CCDC192: variants seen among roughly 807,000 people sequenced by gnomAD.
CCDC192 encodes the protein coiled-coil domain containing 192.
At chr5:127,861,662 AT>A (rs1011820793) in intron 5 of CCDC192, among the ~76,000 whole-genome samples, 12 of 151,812 alleles carry the variant, frequency 7.9e-5, no homozygotes, top group Non-Finnish European at 1.6e-4. Context: ...TCAAAAAAAA[AT>A]TTTTTTTTAT....
At chr5:127,838,620 T>G (rs1418400856) in intron 5 of CCDC192, 1 of 152,202 alleles carries the variant, frequency 6.6e-6, no homozygotes, top group Non-Finnish European at 1.5e-5. Context: ...CACTGAAACC[T>G]TTTTTAAAGA....
intron 3 of CCDC192, among the ~76,000 whole-genome samples, chr5:127,792,291 CCTT>C (rs1160929280): frequency 6.6e-6 from 1 of 152,024 alleles, no homozygotes; most frequent in Non-Finnish European, 1.5e-5. Flanking sequence ...GCAAACATGT[CCTT>C]CTTCATATGG....
At chr5:127,858,174 G>A (rs944431562) in intron 5 of CCDC192, among the ~76,000 whole-genome samples, 1 of 152,096 alleles carries the variant, frequency 6.6e-6, no homozygotes, top group African/African-American at 2.4e-5. Flanking sequence ...TTATAAATCC[G>A]ATCCTATTGA....
intron 5 of CCDC192, among the ~76,000 whole-genome samples, chr5:127,862,116 T>G (rs533055847): frequency 3.3e-5 from 5 of 152,172 alleles, no homozygotes; most frequent in Non-Finnish European, 5.9e-5. Context: ...TTTCTTCATA[T>G]CTACGCTAAG....
At chr5:127,908,289 T>A (rs979966693) in intron 6 of CCDC192, among the ~76,000 whole-genome samples, 4 of 152,196 alleles carry the variant, frequency 2.6e-5, no homozygotes, top group Admixed American at 6.5e-5. Flanking sequence ...TCATATAATT[T>A]AACAGCTCTT....
At chr5:127,743,716 G>A (rs1753567467) in intron 2 of CCDC192, among the ~76,000 whole-genome samples, 1 of 152,150 alleles carries the variant, frequency 6.6e-6, no homozygotes, top group African/African-American at 2.4e-5. Flanking sequence ...GAGGAATACT[G>A]TTTTCACTGG....
At chr5:127,865,193 TG>T (rs1751556260) in intron 5 of CCDC192, among the ~76,000 whole-genome samples, 1 of 152,128 alleles carries the variant, frequency 6.6e-6, no homozygotes, top group South Asian at 2.1e-4. Flanking sequence ...TAAATATTCT[TG>T]TCTCTCCACC....
In CCDC192 at chr5:127,931,719, G is replaced by A. The variant is rs559497290; in HGVS notation, c.536-9463G>A. On this transcript the variant is annotated intron_variant, in intron 6 of 6. Coordinates refer to ENST00000514853, the MANE Select transcript of CCDC192 (RefSeq NM_001317938.2). ...GTCACTCAAGCAGAATTTCAAGGAT[G>A]AGATCTTGGATTCTCCATATTAACA... Among the ~76,000 whole-genome samples the A allele has an allele frequency of 9.9e-5, 15 of 152,220 alleles. 1 individual carries two copies. In the South Asian group the frequency reaches 2.9e-3, roughly 29 times the overall value.
intron 6 of CCDC192, among the ~76,000 whole-genome samples, chr5:127,902,502 C>T (rs1753064686): frequency 6.6e-6 from 1 of 152,122 alleles, no homozygotes; most frequent in African/African-American, 2.4e-5. Flanking sequence ...CTAACATAAA[C>T]GTTCCTTACT....
chr5:127,781,878 A>G (rs367904116), intron 3 of CCDC192, among the ~76,000 whole-genome samples: 3 of 152,142 alleles, frequency 2.0e-5, no homozygotes, highest in African/African-American at 7.2e-5. Context: ...ACTATGCTGA[A>G]GAGGAGTGGT....
chr5:127,826,289 G>C (rs1000243962), intron 5 of CCDC192, among the ~76,000 whole-genome samples: 1 of 152,136 alleles, frequency 6.6e-6, no homozygotes, highest in African/African-American at 2.4e-5. Context: ...AACAACAGAT[G>C]CTGGCGAGGC....
intron 5 of CCDC192, among the ~76,000 whole-genome samples, chr5:127,806,159 C>T (rs907921156): frequency 6.6e-6 from 1 of 152,170 alleles, no homozygotes; most frequent in African/African-American, 2.4e-5. Flanking sequence ...TTCTTTTCCC[C>T]ACCAAATAGC....
intron 5 of CCDC192, among the ~76,000 whole-genome samples, chr5:127,836,229 A>G (rs1750027603): frequency 6.6e-6 from 1 of 151,992 alleles, no homozygotes; most frequent in Non-Finnish European, 1.5e-5. Flanking sequence ...ATCTTCTTTG[A>G]CTCCATGTCT....
At chr5:127,789,078 A>G (rs1470083362) in intron 3 of CCDC192, among the ~76,000 whole-genome samples, 3 of 152,250 alleles carry the variant, frequency 2.0e-5, no homozygotes, top group Non-Finnish European at 4.4e-5. Context: ...TGGACTTCTG[A>G]GACTCCAGAA....
intron 6 of CCDC192, among the ~76,000 whole-genome samples, chr5:127,921,752 C>CGGAG (rs1753728467): frequency 6.6e-6 from 1 of 152,098 alleles, no homozygotes; most frequent in Admixed American, 6.6e-5. Flanking sequence ...CCGAACCTCC[C>CGGAG]CTTGCTTGTT....
At chr5:127,720,135 A>G (rs1379305470) in intron 2 of CCDC192, among the ~76,000 whole-genome samples, 1 of 152,202 alleles carries the variant, frequency 6.6e-6, no homozygotes, top group Non-Finnish European at 1.5e-5. Context: ...CTACAGTCCA[A>G]AGTATCTTCT....
chr5:127,704,915 T>C (rs1046550262), intron 1 of CCDC192, among the ~76,000 whole-genome samples: 2 of 151,914 alleles, frequency 1.3e-5, no homozygotes, highest in Non-Finnish European at 2.9e-5. Context: ...AATTGGTGAC[T>C]AGTCCTCCAA....
intron 3 of CCDC192, among the ~76,000 whole-genome samples, chr5:127,789,475 T>C (rs1370998276): frequency 6.6e-6 from 1 of 152,260 alleles, no homozygotes; most frequent in Non-Finnish European, 1.5e-5. Context: ...CCTGGCTAAA[T>C]TATCTTTGCA....
chr5:127,724,857 A>G (rs1215572214), intron 2 of CCDC192, among the ~76,000 whole-genome samples: 3 of 151,592 alleles, frequency 2.0e-5, no homozygotes, highest in Non-Finnish European at 4.4e-5. Context: ...CAAAAAAAAA[A>G]AAAAAAGAAG....
Sources: gnomAD v4.1 joint callset for allele counts (sites outside exome capture counted in the v4.1 genomes callset) on GRCh38, gnomAD v4.1.1 for gene constraint, MANE v1.5 for transcripts, NCBI Gene and HGNC (gene_info 2026-07-23, HGNC 2026-07-21) for gene names.